Variants in MRTFA observed in about 807,000 individuals in gnomAD.
MRTFA encodes the protein myocardin-related transcription factor A.
Under a neutral mutation model 83.5 loss-of-function variants are expected in MRTFA, and 20 were observed. The ratio of observed to expected loss-of-function variants is 0.24; its 90% CI spans 0.17 to 0.35. MRTFA has a LOEUF of 0.35. MRTFA is among the 10% of genes least tolerant of loss of function. The probability of loss-of-function intolerance (pLI) is 1.00; values close to 1 mark genes in which losing one functional copy is unlikely to be tolerated. For synonymous variants in MRTFA, 659 were observed against 541.2 expected (o/e 1.22, Z -3.02); for missense variants, 1,200 against 1,224.7 (o/e 0.98, Z 0.30).
chr22:40,535,724 T>C (rs898414898), intron 3 of MRTFA, among the ~76,000 whole-genome samples: 2 of 152,172 alleles, frequency 1.3e-5, no homozygotes, highest in African/African-American at 4.8e-5. Context: ...GTTCGGTATT[T>C]ACAGGAAAAT....
chr22:40,556,166 A>C (rs2055520880), intron 2 of MRTFA, among the ~76,000 whole-genome samples: 1 of 152,192 alleles, frequency 6.6e-6, no homozygotes, highest in Non-Finnish European at 1.5e-5. Flanking sequence ...TGGCTTTTAT[A>C]ATAAAAAGAC....
At chr22:40,520,295 ATCC>A (rs2054842911) in intron 3 of MRTFA, among the ~76,000 whole-genome samples, 1 of 152,226 alleles carries the variant, frequency 6.6e-6, no homozygotes, top group African/African-American at 2.4e-5. Context: ...TAAACCCTGT[ATCC>A]ATCAGCAGTC....
At chr22:40,470,615 T>C (rs1381621554) in intron 3 of MRTFA, among the ~76,000 whole-genome samples, 1 of 150,632 alleles carries the variant, frequency 6.6e-6, no homozygotes, top group Non-Finnish European at 1.5e-5. Context: ...CCATGGTAAG[T>C]AGAAAAAAGG....
At chr22:40,633,059 A>G (rs1602519121) in intron 1 of MRTFA, among the ~76,000 whole-genome samples, 1 of 149,856 alleles carries the variant, frequency 6.7e-6, no homozygotes. Flanking sequence ...ATAAAAAACT[A>G]CTCCCCAAGC....
Position 40,419,252 on chromosome 22 carries a change from C to A in MRTFA, c.1486G>T (p.Ala496Ser), listed in dbSNP as rs34736200. The A allele has an allele frequency of 1.9e-6, 3 of 1,611,662 alleles. No individual in the cohort carries two copies. Among genetic ancestry groups the A allele is most frequent in the Non-Finnish European group, 2.5e-6 (3 of 1,179,068 alleles). ...CCAGCCTTGTGCAGGATAGAGGTGG[C>A]GGCAGGGGCCTTGGGGGCTCCTGGC... is the stretch of plus-strand genomic sequence containing the variant. Residue 496 changes from alanine (A) to serine (S), a missense_variant, in exon 12 of 15, where the codon GCC becomes TCC. By Grantham distance (99) the Ala-to-Ser change is moderately conservative (BLOSUM62 1). Around this residue, in one of 2 missense-constraint regions of MRTFA, gnomAD observed 1,107 missense variants for 1,041.8 expected, o/e 1.06. Transcript: ENST00000355630.
intron 2 of MRTFA, among the ~76,000 whole-genome samples, chr22:40,572,029 A>G (rs1183082946): frequency 6.6e-6 from 1 of 151,826 alleles, no homozygotes; most frequent in East Asian, 1.9e-4. Flanking sequence ...AAACACAGTG[A>G]CATAGCACTT....
Position 40,617,695 on chromosome 22 carries a change from C to A in MRTFA, c.-84+18783G>T, listed in dbSNP as rs187444986. Reference sequence around the variant, plus strand: ...TGAGCCGAGATCTCACCACTGCACTCCAGCCTGGGCGACAGAGCAAGACTC... The same window carrying A: ...TGAGCCGAGATCTCACCACTGCACTACAGCCTGGGCGACAGAGCAAGACTC... On this transcript the variant is annotated intron_variant, in intron 1 of 14. Transcript: ENST00000355630. 7.3e-3 allele frequency among the ~76,000 whole-genome samples: 1,080 copies of A among 148,282 alleles called. 14 individuals are homozygous for A. The highest frequency in any genetic ancestry group is 0.026 in the African/African-American group (1,039 of 40,168).
chr22:40,541,482 A>G (rs1375372042), intron 3 of MRTFA, among the ~76,000 whole-genome samples: 1 of 152,182 alleles, frequency 6.6e-6, no homozygotes, highest in African/African-American at 2.4e-5. Flanking sequence ...CACTCAAAAG[A>G]TAACATAACC....
At chr22:40,419,815 G>A (rs936517386) in intron 11 of MRTFA, among the ~76,000 whole-genome samples, 1 of 152,214 alleles carries the variant, frequency 6.6e-6, no homozygotes. Context: ...ATGGGGCAGA[G>A]AAAACACGCA....
intron 1 of MRTFA, among the ~76,000 whole-genome samples, chr22:40,595,797 GTC>G (rs1678709862): frequency 6.7e-6 from 1 of 148,554 alleles, no homozygotes; most frequent in African/African-American, 2.5e-5. Flanking sequence ...AGTGGAGAAA[GTC>G]TTTCCAGGCA....
At chr22:40,429,845 T>G in intron 6 of MRTFA, 78 bp from the exon 7 acceptor site, 5 of 1,427,438 alleles carry the variant, frequency 3.5e-6, no homozygotes, top group Non-Finnish European at 4.7e-6. Context: ...AGAGCAGCTC[T>G]CCTTCCTCCT....
chr22:40,495,249 C>T (rs912340959), intron 3 of MRTFA, among the ~76,000 whole-genome samples: 9 of 151,600 alleles, frequency 5.9e-5, no homozygotes, highest in African/African-American at 2.2e-4. Context: ...AAAAGTACAC[C>T]GTCTCGAGAT....
chr22:40,446,462 G>T (rs17001915), intron 4 of MRTFA, among the ~76,000 whole-genome samples: 18,505 of 152,044 alleles, frequency 0.12, 1,307 homozygotes, highest in East Asian at 0.24. Flanking sequence ...GTTCTGTCTT[G>T]GAGAATCACA....
chr22:40,454,720 A>G (rs1569274157), intron 4 of MRTFA, among the ~76,000 whole-genome samples: 1 of 152,234 alleles, frequency 6.6e-6, no homozygotes, highest in Admixed American at 6.5e-5. Flanking sequence ...TGAGTTGCCC[A>G]AAGTCTTCTA....
chr22:40,541,258 T>C (rs992263544), intron 3 of MRTFA, among the ~76,000 whole-genome samples: 4 of 152,316 alleles, frequency 2.6e-5, no homozygotes, highest in Admixed American at 2.0e-4. Flanking sequence ...TACACATGTA[T>C]ACACAAAAGC....
chr22:40,545,975 C>T (rs935522994), intron 3 of MRTFA, among the ~76,000 whole-genome samples: 1 of 152,240 alleles, frequency 6.6e-6, no homozygotes, highest in African/African-American at 2.4e-5. Context: ...GTTCCACCCA[C>T]CTCGGCCTCC....
intron 10 of MRTFA, 45 bp downstream of exon 10, chr22:40,420,802 T>G (rs2147073514): frequency 6.2e-7 from 1 of 1,607,168 alleles, no homozygotes; most frequent in East Asian, 2.2e-5. Flanking sequence ...TGGCTCAGGG[T>G]GGCTCGGGGA....
intron 1 of MRTFA, among the ~76,000 whole-genome samples, chr22:40,599,913 A>AAG (rs1471943567): frequency 6.6e-6 from 1 of 151,934 alleles, no homozygotes; most frequent in Non-Finnish European, 1.5e-5. Flanking sequence ...TAAAAAAAAA[A>AAG]AAAGAAGTGA....
intron 3 of MRTFA, among the ~76,000 whole-genome samples, chr22:40,485,789 T>C (rs139062): frequency 0.32 from 49,368 of 151,986 alleles, 10,159 homozygotes; most frequent in East Asian, 0.64. Flanking sequence ...GTTGCAATGA[T>C]GGTAAAAATA....
Sources: gnomAD v4.1 joint callset for allele counts (sites outside exome capture counted in the v4.1 genomes callset) on GRCh38, gnomAD v4.1.1 for gene constraint, gnomAD v4.1.1 regional missense constraint, MANE v1.5 for transcripts, NCBI Gene and HGNC (gene_info 2026-07-23, HGNC 2026-07-21) for gene names.